The following FBXL7 variants were observed in gnomAD, a reference collection of about 807,000 sequenced individuals.
The protein encoded by FBXL7 is F-box and leucine rich repeat protein 7, also known as F-box/LRR-repeat protein 7.
Under a neutral mutation model 38.3 loss-of-function variants are expected in FBXL7, and 12 were observed. The observed-to-expected ratio is 0.31, with a 90% CI of 0.20 to 0.51. FBXL7 has a LOEUF of 0.51. Among genes scored for constraint, FBXL7 ranks in the 20% least tolerant of loss-of-function variants. The pLI, the probability that FBXL7 is intolerant of heterozygous loss-of-function variation, is 0.98. For synonymous variants in FBXL7, 297 were observed against 300.9 expected, an observed-to-expected ratio of 0.99 and a Z score of 0.13; for missense variants, 567 against 676.4, an observed-to-expected ratio of 0.84 and a Z score of 1.79.
intron 1 of FBXL7, among the ~76,000 whole-genome samples, chr5:15,557,430 A>G (rs1002583806): frequency 2.6e-5 from 4 of 152,232 alleles, no homozygotes; most frequent in African/African-American, 7.2e-5. Flanking sequence ...TAACATTTGT[A>G]TATAATTATA....
intron 2 of FBXL7, among the ~76,000 whole-genome samples, chr5:15,845,993 A>G: frequency 6.6e-6 from 1 of 152,334 alleles, no homozygotes; most frequent in South Asian, 2.1e-4. Context: ...ATAAAAATAC[A>G]TAAATGAATA....
At chr5:15,673,652 A>G (rs114391374) in intron 2 of FBXL7, among the ~76,000 whole-genome samples, 33 of 152,302 alleles carry the variant, frequency 2.2e-4, no homozygotes, top group African/African-American at 7.5e-4. Context: ...TTGTCTTCAG[A>G]GTCTCTAAGC....
intron 1 of FBXL7, among the ~76,000 whole-genome samples, chr5:15,595,746 C>G (rs570699504): frequency 6.6e-6 from 1 of 152,100 alleles, no homozygotes; most frequent in African/African-American, 2.4e-5. Flanking sequence ...AGATGTAAAT[C>G]GAAGTGCATT....
At chr5:15,608,534 T>C (rs1740109843) in intron 1 of FBXL7, among the ~76,000 whole-genome samples, 1 of 152,184 alleles carries the variant, frequency 6.6e-6, no homozygotes, top group African/African-American at 2.4e-5. Flanking sequence ...CAAACATGAA[T>C]CTAGATATTG....
intron 2 of FBXL7, among the ~76,000 whole-genome samples, chr5:15,693,982 C>G (rs1322487140): frequency 6.6e-6 from 1 of 152,174 alleles, no homozygotes; most frequent in African/African-American, 2.4e-5. Flanking sequence ...AGCCCTCTGT[C>G]GTTACAATAA....
At chr5:15,729,102 T>C (rs1735504391) in intron 2 of FBXL7, among the ~76,000 whole-genome samples, 1 of 152,138 alleles carries the variant, frequency 6.6e-6, no homozygotes, top group Non-Finnish European at 1.5e-5. Context: ...ATGATGTAAA[T>C]GCACTGAAAT....
At chr5:15,753,316 T>C (rs767382789) in intron 2 of FBXL7, among the ~76,000 whole-genome samples, 1 of 152,172 alleles carries the variant, frequency 6.6e-6, no homozygotes, top group Admixed American at 6.5e-5. Flanking sequence ...CCAAATTGGC[T>C]CAAGGACGAT....
chr5:15,725,353 C>G (rs1046435750), intron 2 of FBXL7, among the ~76,000 whole-genome samples: 1 of 152,094 alleles, frequency 6.6e-6, no homozygotes, highest in African/African-American at 2.4e-5. Flanking sequence ...TTATTCATCT[C>G]TAAGCATTTT....
chr5:15,812,633 T>A (rs1288948930), intron 2 of FBXL7, among the ~76,000 whole-genome samples: 1 of 152,200 alleles, frequency 6.6e-6, no homozygotes, highest in East Asian at 1.9e-4. Flanking sequence ...TGGTTCCATA[T>A]GAAATTTAAA....
chr5:15,835,532 GT>G (rs1561144979), intron 2 of FBXL7, among the ~76,000 whole-genome samples: 1 of 152,124 alleles, frequency 6.6e-6, no homozygotes, highest in East Asian at 1.9e-4. Context: ...TCTACTAAGC[GT>G]TTTACTTGAC....
At chr5:15,559,770 C>T (rs919692961) in intron 1 of FBXL7, among the ~76,000 whole-genome samples, 4 of 152,174 alleles carry the variant, frequency 2.6e-5, no homozygotes, top group South Asian at 2.1e-4. Context: ...GGCAATAAAA[C>T]GCCTGGAGGC....
At chr5:15,922,330 A>T (rs564448786) in intron 2 of FBXL7, among the ~76,000 whole-genome samples, 1 of 152,112 alleles carries the variant, frequency 6.6e-6, no homozygotes, top group Non-Finnish European at 1.5e-5. Context: ...TGTCTTAAAA[A>T]TTGGGGCATT....
intron 1 of FBXL7, among the ~76,000 whole-genome samples, chr5:15,520,607 C>T (rs1282690074): frequency 6.6e-6 from 1 of 152,086 alleles, no homozygotes; most frequent in African/African-American, 2.4e-5. Flanking sequence ...CCAACACTTC[C>T]AAAATCGAAA....
intron 2 of FBXL7, among the ~76,000 whole-genome samples, chr5:15,848,566 G>C (rs1561150567): frequency 6.6e-6 from 1 of 152,128 alleles, no homozygotes; most frequent in Non-Finnish European, 1.5e-5. Flanking sequence ...ATTTTTAGTA[G>C]AGATGGGGTT....
At chr5:15,544,780 T>C (rs1203118065) in intron 1 of FBXL7, among the ~76,000 whole-genome samples, 1 of 152,156 alleles carries the variant, frequency 6.6e-6, no homozygotes, top group Non-Finnish European at 1.5e-5. Context: ...TTTGGGAGCA[T>C]GGAATAGTAT....
chr5:15,628,137 A>G (rs1740878455), intron 2 of FBXL7, among the ~76,000 whole-genome samples: 1 of 152,236 alleles, frequency 6.6e-6, no homozygotes, highest in Non-Finnish European at 1.5e-5. Flanking sequence ...TATATATAAC[A>G]AAGAAACTTT....
chr5:15,916,444 G>C (rs913555755), intron 2 of FBXL7, among the ~76,000 whole-genome samples: 2 of 152,088 alleles, frequency 1.3e-5, no homozygotes, highest in Non-Finnish European at 2.9e-5. Context: ...AAGCCTTGTG[G>C]GCCGTGAGCC....
chr5:15,572,992 A>G (rs1738838704), intron 1 of FBXL7, among the ~76,000 whole-genome samples: 1 of 152,168 alleles, frequency 6.6e-6, no homozygotes, highest in African/African-American at 2.4e-5. Context: ...TTTTCAGGGA[A>G]TATGTCTCAC....
At chr5:15,786,156 C>G (rs16867720) in intron 2 of FBXL7, among the ~76,000 whole-genome samples, 2,580 of 152,258 alleles carry the variant, frequency 0.017, 70 homozygotes, top group African/African-American at 0.059. Context: ...GTTCCACACT[C>G]CAGGATAGGC....
Sources: allele counts gnomAD v4.1 joint callset (sites outside exome capture counted in the v4.1 genomes callset), GRCh38; gene constraint gnomAD v4.1.1; transcripts MANE v1.5; gene names NCBI Gene and HGNC (gene_info 2026-07-23, HGNC 2026-07-21).